Variants in ZNF521 observed in about 807,000 individuals in gnomAD.
The protein encoded by ZNF521 is zinc finger protein 521.
In ZNF521, 14 loss-of-function variants were observed where a neutral mutation model predicts 105.5. The ratio of observed to expected loss-of-function variants is 0.13; its 90% confidence interval spans 0.09 to 0.21. ZNF521 has a LOEUF of 0.21. ZNF521 is among the 10% of genes least tolerant of loss of function. The pLI, the probability that ZNF521 is intolerant of heterozygous loss-of-function variation, is 1.00. For synonymous variants in ZNF521, 635 were observed against 606.0 expected, an observed-to-expected ratio of 1.05 and a Z score of -0.70; for missense variants, 1,233 against 1,629.7, an observed-to-expected ratio of 0.76 and a Z score of 4.19.
intron 3 of ZNF521, among the ~76,000 whole-genome samples, chr18:25,282,377 C>A (rs377307344): frequency 6.6e-6 from 1 of 152,118 alleles, no homozygotes; most frequent in Admixed American, 6.5e-5. Flanking sequence ...GTGACCAGTG[C>A]GTCGGGCCAC....
intron 5 of ZNF521, among the ~76,000 whole-genome samples, chr18:25,181,680 A>G (rs943147658): frequency 6.6e-6 from 1 of 152,218 alleles, no homozygotes; most frequent in African/African-American, 2.4e-5. Context: ...ACATGCAAAA[A>G]TATCTACCTA....
chr18:25,153,522 C>T (rs182695544), intron 5 of ZNF521, among the ~76,000 whole-genome samples: 10 of 152,282 alleles, frequency 6.6e-5, no homozygotes, highest in East Asian at 1.9e-4. Context: ...CTTGCTGAAA[C>T]GGCCTGTCTA....
At chr18:25,264,768 A>C (rs1418859859) in intron 3 of ZNF521, among the ~76,000 whole-genome samples, 6 of 152,178 alleles carry the variant, frequency 3.9e-5, no homozygotes, top group Non-Finnish European at 8.8e-5. Flanking sequence ...TTTGTTAGCT[A>C]AATCAAGGAA....
At chr18:25,282,946 G>A (rs1318630382) in intron 3 of ZNF521, among the ~76,000 whole-genome samples, 1 of 152,204 alleles carries the variant, frequency 6.6e-6, no homozygotes, top group African/African-American at 2.4e-5. Context: ...CCAGATTCAA[G>A]TGTTTCAGTG....
intron 5 of ZNF521, among the ~76,000 whole-genome samples, chr18:25,108,170 G>C (rs1046819673): frequency 6.6e-6 from 1 of 152,170 alleles, no homozygotes; most frequent in South Asian, 2.1e-4. Flanking sequence ...GACTGGCTTT[G>C]TCCTTTAAAT....
chr18:25,350,360 A>G lies in ZNF521; in HGVS notation c.40+547T>C, dbSNP rs994396630. 4.0e-5 allele frequency among the ~76,000 whole-genome samples: 6 copies of G among 151,794 alleles called. 1 individual carries two copies. Among genetic ancestry groups the G allele is most frequent in the Non-Finnish European group, 7.4e-5 (5 of 67,954 alleles). On this transcript the variant is annotated intron_variant, in intron 2 of 7. Transcript: ENST00000361524. ...CGGCCGGGGTCTGTTTACTCCGGCG[A>G]CGTGCGGAGAGGACCCAAGCAGGAC...
chr18:25,133,062 A>G (rs1206118194), intron 5 of ZNF521, among the ~76,000 whole-genome samples: 1 of 152,224 alleles, frequency 6.6e-6, no homozygotes, highest in African/African-American at 2.4e-5. Flanking sequence ...TTAGTCAGTG[A>G]TATCACATTA....
At chr18:25,242,930 T>C (rs1001964658) in intron 3 of ZNF521, among the ~76,000 whole-genome samples, 2 of 152,224 alleles carry the variant, frequency 1.3e-5, no homozygotes, top group African/African-American at 4.8e-5. Flanking sequence ...TCTCACTAGA[T>C]TTTGGGTTTC....
intron 7 of ZNF521, among the ~76,000 whole-genome samples, chr18:25,084,776 T>C (rs949910457): frequency 3.3e-5 from 5 of 152,190 alleles, no homozygotes; most frequent in Non-Finnish European, 5.9e-5. Flanking sequence ...GGAGAGAGGA[T>C]GATTTGATCA....
At chr18:25,344,728 C>T (rs1914387196) in intron 2 of ZNF521, among the ~76,000 whole-genome samples, 1 of 152,216 alleles carries the variant, frequency 6.6e-6, no homozygotes, top group Non-Finnish European at 1.5e-5. Context: ...ATAATATTTA[C>T]ATTTTTAATG....
intron 2 of ZNF521, among the ~76,000 whole-genome samples, chr18:25,334,899 G>A (rs923098269): frequency 2.6e-5 from 4 of 152,176 alleles, no homozygotes; most frequent in African/African-American, 9.7e-5. Flanking sequence ...AGCACCTTAT[G>A]TTTGTTTGTT....
At chr18:25,220,835 C>T (rs976215212) in intron 4 of ZNF521, among the ~76,000 whole-genome samples, 3 of 152,148 alleles carry the variant, frequency 2.0e-5, no homozygotes, top group Non-Finnish European at 4.4e-5. Flanking sequence ...AGTCATGAGA[C>T]AACATTCTGA....
intron 3 of ZNF521, among the ~76,000 whole-genome samples, chr18:25,246,111 A>G (rs888074756): frequency 3.9e-5 from 6 of 152,166 alleles, no homozygotes; most frequent in Admixed American, 3.3e-4. Flanking sequence ...GCGTTAGGAG[A>G]CATACCTAAT....
rs992481989 is a variant in ZNF521 at position 25,300,449 on chromosome 18, A to G, written c.220+21559T>C. Among the ~76,000 whole-genome samples the G allele has an allele frequency of 1.1e-4, 17 of 152,360 alleles. 1 individual carries two copies. Among genetic ancestry groups the G allele is most frequent in the African/African-American group, 4.1e-4 (17 of 41,600 alleles). Reference sequence around the variant, plus strand: ...GACAATATAATAGAAATGGTTATTTAGAAAATACATGTTTTGATCTAATAG... The same window carrying G: ...GACAATATAATAGAAATGGTTATTTGGAAAATACATGTTTTGATCTAATAG... On this transcript the variant is annotated intron_variant, in intron 3 of 7. Coordinates refer to ENST00000361524, the MANE Select transcript of ZNF521 (RefSeq NM_015461.3).
intron 3 of ZNF521, among the ~76,000 whole-genome samples, chr18:25,229,329 C>A (rs1182132067): frequency 6.7e-6 from 1 of 149,904 alleles, no homozygotes; most frequent in African/African-American, 2.4e-5. Context: ...AGAAAACAAC[C>A]AAACACCATT....
intron 7 of ZNF521, among the ~76,000 whole-genome samples, chr18:25,076,456 T>C (rs1476514045): frequency 6.6e-6 from 1 of 152,160 alleles, no homozygotes; most frequent in Admixed American, 6.5e-5. Context: ...CTTCTTAGGG[T>C]AAACAAATAT....
chr18:25,148,690 C>T (rs893276713), intron 5 of ZNF521, among the ~76,000 whole-genome samples: 1 of 151,866 alleles, frequency 6.6e-6, no homozygotes, highest in Middle Eastern at 3.4e-3. Flanking sequence ...TTGTGAGTGA[C>T]AAATTTCGGT....
intron 3 of ZNF521, among the ~76,000 whole-genome samples, chr18:25,228,279 A>G (rs1458413813): frequency 6.6e-6 from 1 of 152,256 alleles, no homozygotes; most frequent in Non-Finnish European, 1.5e-5. Context: ...AAAATATTAA[A>G]AAGTAAGCAC....
At chr18:25,288,044 C>CT (rs1910802757) in intron 3 of ZNF521, among the ~76,000 whole-genome samples, 1 of 152,068 alleles carries the variant, frequency 6.6e-6, no homozygotes, top group Non-Finnish European at 1.5e-5. Context: ...AATGCCCCCC[C>CT]AATAGTTTCA....
Sources: gnomAD v4.1 joint callset for allele counts (sites outside exome capture counted in the v4.1 genomes callset) on GRCh38, gnomAD v4.1.1 for gene constraint, MANE v1.5 for transcripts, NCBI Gene and HGNC (gene_info 2026-07-23, HGNC 2026-07-21) for gene names.